C12orf42: variants seen among roughly 807,000 people sequenced by gnomAD.
C12orf42 encodes uncharacterized protein C12orf42.
In C12orf42, 25 loss-of-function variants were observed where a neutral mutation model predicts 21.6. The ratio of observed to expected loss-of-function variants is 1.16; its 90% CI spans 0.84 to 1.62. The LOEUF (loss-of-function observed/expected upper bound fraction) is 1.62. C12orf42 is among the 40% of genes most tolerant of loss of function. C12orf42 has a pLI of 0.00. For missense variants in C12orf42, 483 were observed against 459.3 expected (o/e 1.05, Z -0.47); for synonymous variants, 174 against 175.0 (o/e 0.99, Z 0.05).
At chr12:103,279,023 C>T (rs1324698876) in intron 4 of C12orf42, among the ~76,000 whole-genome samples, 2 of 152,180 alleles carry the variant, frequency 1.3e-5, no homozygotes, top group African/African-American at 4.8e-5. Flanking sequence ...CTCCTCTGGG[C>T]TCATCTGCAT....
At chr12:103,307,687 G>T (rs1441662061) in intron 4 of C12orf42, among the ~76,000 whole-genome samples, 2 of 152,036 alleles carry the variant, frequency 1.3e-5, no homozygotes, top group African/African-American at 4.8e-5. Flanking sequence ...GGAGGAAGAG[G>T]CACACAGAAA....
At position 103,313,163 on chromosome 12, in the gene C12orf42, C is replaced by T. The variant is rs529553419; in HGVS notation, c.260-6818G>A. On this transcript the variant is annotated intron_variant, in intron 4 of 5. Coordinates refer to ENST00000548883, the MANE Select transcript of C12orf42 (RefSeq NM_198521.5). ...ATTAATTCCCCAAAGCTCATTTTGC[C>T]TTTCTCTCTAGGCACAAATGAGAGC... 7.9e-5 allele frequency among the ~76,000 whole-genome samples: 12 copies of T among 152,322 alleles called. No homozygotes were observed. The South Asian group carries it at 2.3e-3, about 29-fold the overall frequency.
chr12:103,338,014 G>A (rs1057377021), intron 4 of C12orf42, among the ~76,000 whole-genome samples: 1 of 152,076 alleles, frequency 6.6e-6, no homozygotes, highest in Admixed American at 6.5e-5. Flanking sequence ...CTTTATAAAT[G>A]ACTACACCCT....
intron 3 of C12orf42, among the ~76,000 whole-genome samples, chr12:103,375,796 C>T (rs1379299432): frequency 6.6e-6 from 1 of 152,296 alleles, no homozygotes; most frequent in South Asian, 2.1e-4. Flanking sequence ...CTTGCCCTGA[C>T]TGTCTCTATA....
the C12orf42 span, among the ~76,000 whole-genome samples, chr12:103,199,235 G>A: frequency 1.5e-3 from 229 of 152,220 alleles, no homozygotes; most frequent in African/African-American, 5.0e-3. Flanking sequence ...TTAATAAAGT[G>A]TTGGAAAAGC....
the C12orf42 span, among the ~76,000 whole-genome samples, chr12:103,527,220 C>T: frequency 6.6e-6 from 1 of 152,092 alleles, no homozygotes; most frequent in Admixed American, 6.6e-5. Context: ...TGCCACTGGA[C>T]ATGAACATGT....
chr12:103,476,390 C>T (rs1954053742), intron 2 of C12orf42, among the ~76,000 whole-genome samples: 1 of 152,270 alleles, frequency 6.6e-6, no homozygotes, highest in South Asian at 2.1e-4. Context: ...CATTTTTGGA[C>T]CCAAGAGGAA....
At chr12:103,362,026 C>T (rs935137568) in intron 4 of C12orf42, among the ~76,000 whole-genome samples, 2 of 152,140 alleles carry the variant, frequency 1.3e-5, no homozygotes, top group Non-Finnish European at 2.9e-5. Flanking sequence ...CTTGAAAGTG[C>T]CACTTCCTGG....
At chr12:103,146,592 G>GAAAGAAAGAAAGAA in the C12orf42 span, among the ~76,000 whole-genome samples, 1 of 148,822 alleles carries the variant, frequency 6.7e-6, no homozygotes, top group African/African-American at 2.5e-5. Context: ...AAGAAAGAAA[G>GAAAGAAAGAAAGAA]AAAGAAAGAA....
intron 4 of C12orf42, among the ~76,000 whole-genome samples, chr12:103,367,445 T>C (rs1348769572): frequency 3.2e-5 from 3 of 93,952 alleles, no homozygotes; most frequent in Non-Finnish European, 7.1e-5. Context: ...ACTATGGAAA[T>C]AAAAAAAAAA....
chr12:103,511,778 A>G, the C12orf42 span, among the ~76,000 whole-genome samples: 2 of 152,240 alleles, frequency 1.3e-5, no homozygotes, highest in Non-Finnish European at 2.9e-5. Flanking sequence ...TCAAACTGCT[A>G]TTCTTTAAAT....
chr12:103,070,295 T>C, the C12orf42 span, among the ~76,000 whole-genome samples: 1 of 152,238 alleles, frequency 6.6e-6, no homozygotes, highest in Non-Finnish European at 1.5e-5. Context: ...TGTATCCCTA[T>C]GAGTTTGGTA....
intron 2 of C12orf42, among the ~76,000 whole-genome samples, chr12:103,461,287 C>A (rs1043473716): frequency 1.3e-5 from 2 of 152,138 alleles, no homozygotes; most frequent in African/African-American, 4.8e-5. Context: ...ATCAGAGCTC[C>A]CTCTTACTTT....
intron 2 of C12orf42, among the ~76,000 whole-genome samples, chr12:103,437,962 A>T (rs1217001671): frequency 5.3e-5 from 8 of 150,126 alleles, no homozygotes; most frequent in African/African-American, 2.0e-4. Flanking sequence ...AAAAAAGAGA[A>T]TTTTAGACCA....
At chr12:103,115,221 G>T in the C12orf42 span, among the ~76,000 whole-genome samples, 5 of 152,104 alleles carry the variant, frequency 3.3e-5, no homozygotes, top group African/African-American at 1.2e-4. Flanking sequence ...TCAAATTGTG[G>T]AACTGCAGTT....
chr12:103,464,173 T>C (rs568681141), intron 2 of C12orf42, among the ~76,000 whole-genome samples: 2 of 152,328 alleles, frequency 1.3e-5, no homozygotes, highest in South Asian at 2.1e-4. Flanking sequence ...ATGGTTGAAC[T>C]GATTTACCTT....
At chr12:103,257,436 A>G (rs1490165717) in intron 10 of C12orf42, among the ~76,000 whole-genome samples, 1 of 152,322 alleles carries the variant, frequency 6.6e-6, no homozygotes, top group East Asian at 1.9e-4. Context: ...AAAAAGTTAT[A>G]CCCACAAAAC....
chr12:103,332,323 T>C (rs778059721), intron 4 of C12orf42, among the ~76,000 whole-genome samples: 1 of 152,194 alleles, frequency 6.6e-6, no homozygotes, highest in Non-Finnish European at 1.5e-5. Context: ...ACACTCACCA[T>C]GTAAATTGAT....
At chr12:103,404,656 C>T (rs1779892038) in intron 2 of C12orf42, among the ~76,000 whole-genome samples, 1 of 152,198 alleles carries the variant, frequency 6.6e-6, no homozygotes, top group African/African-American at 2.4e-5. Flanking sequence ...AGAAAAGCCT[C>T]TCTTTCTTTC....
Sources: gnomAD v4.1 joint callset for allele counts (sites outside exome capture counted in the v4.1 genomes callset) on GRCh38, gnomAD v4.1.1 for gene constraint, MANE v1.5 for transcripts, NCBI Gene and HGNC (gene_info 2026-07-23, HGNC 2026-07-21) for gene names.